The following LGSN variants were observed in gnomAD, a reference collection of about 807,000 sequenced individuals.
LGSN encodes the protein lengsin.
A neutral mutation model predicts 19.5 loss-of-function variants in LGSN; 21 were observed. That is an observed-to-expected ratio of 1.07 (90% CI 0.76 to 1.55). LGSN has a LOEUF of 1.55. LGSN is among the 40% of genes most tolerant of loss of function. The pLI, the probability that LGSN is intolerant of heterozygous loss-of-function variation, is 0.00. For synonymous variants in LGSN, 257 were observed against 215.6 expected, an observed-to-expected ratio of 1.19 and a Z score of -1.68; for missense variants, 673 against 608.5, an observed-to-expected ratio of 1.11 and a Z score of -1.12.
the LGSN span, among the ~76,000 whole-genome samples, chr6:63,543,784 C>A: frequency 2.0e-5 from 3 of 152,274 alleles, no homozygotes; most frequent in East Asian, 5.8e-4. Context: ...CTATCTGCCT[C>A]TAGCTTAATT....
chr6:63,459,089 A>G, the LGSN span, among the ~76,000 whole-genome samples: 1 of 152,222 alleles, frequency 6.6e-6, no homozygotes. Context: ...CTGAAAGACC[A>G]AGTCTATTGT....
At chr6:63,302,377 A>T (rs1768215464) in intron 1 of LGSN, among the ~76,000 whole-genome samples, 1 of 152,232 alleles carries the variant, frequency 6.6e-6, no homozygotes, top group African/African-American at 2.4e-5. Context: ...ATTACAATCA[A>T]GTAAAATCCT....
intron 2 of LGSN, 52 bp downstream of exon 2, chr6:63,294,861 T>A (rs1767913815): frequency 6.4e-7 from 1 of 1,565,738 alleles, no homozygotes; most frequent in East Asian, 2.3e-5. Flanking sequence ...AAAGACCAAA[T>A]GGAGATTGCC....
the LGSN span, among the ~76,000 whole-genome samples, chr6:63,454,080 T>C: frequency 6.6e-6 from 1 of 152,228 alleles, no homozygotes; most frequent in African/African-American, 2.4e-5. Flanking sequence ...ATTCAGCCTG[T>C]TTCCAGAGCT....
chr6:63,480,260 A>G, the LGSN span: 3 of 218,050 alleles, frequency 1.4e-5, no homozygotes, highest in Admixed American at 1.3e-4. Flanking sequence ...AGCAGTCTCC[A>G]GTCCATTGTC....
At chr6:63,367,308 G>A in the LGSN span, among the ~76,000 whole-genome samples, 9 of 152,244 alleles carry the variant, frequency 5.9e-5, no homozygotes, top group African/African-American at 2.2e-4. Context: ...TCCAAAAGAA[G>A]ACATTTATGC....
the LGSN span, among the ~76,000 whole-genome samples, chr6:63,533,544 A>G: frequency 1.3e-5 from 2 of 152,332 alleles, no homozygotes; most frequent in Non-Finnish European, 2.9e-5. Flanking sequence ...AATGCTTACC[A>G]AACTATAGTA....
chr6:63,282,683 C>G (rs1230924000), intron 3 of LGSN, among the ~76,000 whole-genome samples: 1 of 152,202 alleles, frequency 6.6e-6, no homozygotes, highest in Non-Finnish European at 1.5e-5. Flanking sequence ...TGCTATTTGA[C>G]TGAACTGATC....
chr6:63,417,278 T>G, the LGSN span, among the ~76,000 whole-genome samples: 2 of 152,216 alleles, frequency 1.3e-5, no homozygotes, highest in East Asian at 3.9e-4. Flanking sequence ...TTTTCTAACA[T>G]TCACAAAACC....
the LGSN span, among the ~76,000 whole-genome samples, chr6:63,414,919 A>C: frequency 6.6e-6 from 1 of 151,764 alleles, no homozygotes; most frequent in Non-Finnish European, 1.5e-5. Context: ...CCTTTAAAAA[A>C]AATTAAATTA....
At chr6:63,421,142 C>T in the LGSN span, among the ~76,000 whole-genome samples, 5 of 152,078 alleles carry the variant, frequency 3.3e-5, no homozygotes, top group South Asian at 4.1e-4. Context: ...TTCAGTCTGG[C>T]CAGGCACAGT....
chr6:63,452,667 C>CTCTG, the LGSN span, among the ~76,000 whole-genome samples: 2 of 151,430 alleles, frequency 1.3e-5, no homozygotes, highest in African/African-American at 4.9e-5. Context: ...CTCTCTCTCT[C>CTCTG]TCTCTCTCTG....
chr6:63,300,536 T>C (rs1248921868), intron 1 of LGSN, among the ~76,000 whole-genome samples: 2 of 151,894 alleles, frequency 1.3e-5, no homozygotes, highest in African/African-American at 4.8e-5. Context: ...CACGGTGGTG[T>C]GTGCCTGTAG....
the LGSN span, among the ~76,000 whole-genome samples, chr6:63,435,457 C>T: frequency 6.6e-6 from 1 of 152,130 alleles, no homozygotes; most frequent in Non-Finnish European, 1.5e-5. Context: ...ACTAATGGTG[C>T]TAAGTAAAGT....
chr6:63,512,488 A>G, the LGSN span, among the ~76,000 whole-genome samples: 1 of 152,318 alleles, frequency 6.6e-6, no homozygotes, highest in Admixed American at 6.5e-5. Context: ...TAGAATCATT[A>G]TCTTCCATGC....
At chr6:63,448,094 G>T in the LGSN span, among the ~76,000 whole-genome samples, 1 of 152,042 alleles carries the variant, frequency 6.6e-6, no homozygotes, top group African/African-American at 2.4e-5. Context: ...TCAGAATGAG[G>T]TGCTTTTAAA....
the LGSN span, among the ~76,000 whole-genome samples, chr6:63,351,332 A>T: frequency 1.3e-5 from 2 of 152,092 alleles, no homozygotes; most frequent in African/African-American, 4.8e-5. Flanking sequence ...GATTAAGACA[A>T]AAGGAAGGAA....
the LGSN span, among the ~76,000 whole-genome samples, chr6:63,551,905 G>C: frequency 6.6e-6 from 1 of 152,054 alleles, no homozygotes; most frequent in African/African-American, 2.4e-5. Context: ...GTATTCCATG[G>C]TGTATATGTG....
At chr6:63,465,312 C>G in the LGSN span, among the ~76,000 whole-genome samples, 8 of 151,928 alleles carry the variant, frequency 5.3e-5, no homozygotes, top group African/African-American at 1.5e-4. Flanking sequence ...TCCTCGGTAG[C>G]TGGGATTACA....
Sources: gnomAD v4.1 joint callset for allele counts (sites outside exome capture counted in the v4.1 genomes callset) on GRCh38, gnomAD v4.1.1 for gene constraint, MANE v1.5 for transcripts, NCBI Gene and HGNC (gene_info 2026-07-23, HGNC 2026-07-21) for gene names.